Variants in MPPED1 observed in about 807,000 individuals in gnomAD.
The protein encoded by MPPED1 is metallophosphoesterase domain-containing protein 1.
A neutral mutation model predicts 36.2 loss-of-function variants in MPPED1; 16 were observed. The ratio of observed to expected loss-of-function variants is 0.44; its 90% CI spans 0.30 to 0.67. The LOEUF is 0.67. Ranked by LOEUF, MPPED1 falls within the 30% of genes least tolerant of loss-of-function variation. The pLI is 0.10. For missense variants in MPPED1, 307 were observed against 453.4 expected, an observed-to-expected ratio of 0.68 and a Z score of 2.93; for synonymous variants, 199 against 191.3, an observed-to-expected ratio of 1.04 and a Z score of -0.33.
rs138909403 is a variant in MPPED1 at position 43,462,849 on chromosome 22, C to T, written c.407-11887C>T. On this transcript the variant is annotated intron_variant, in intron 3 of 6. Coordinates refer to ENST00000443721, the MANE Select transcript of MPPED1 (RefSeq NM_001044370.2). ...CTTTCACCTTTCTTCTGTCTTGTAA[C>T]CCCTGGTTCTGGGATCCAATGGTTT... Among the ~76,000 whole-genome samples the T allele has an allele frequency of 1.8e-3, 274 of 152,300 alleles. 1 individual carries two copies. The highest frequency in any genetic ancestry group is 6.8e-3 in the Middle Eastern group (2 of 294).
rs1044046261 is a variant in MPPED1, at chr22:43,412,173, GGGCGGGGCGC to G, written c.-79+22_-79+31del. 2.0e-6 allele frequency: 2 copies of G among 979,198 alleles called. No individual in the cohort carries two copies. The highest frequency in any genetic ancestry group is 3.5e-5 in the African/African-American group (2 of 56,508). 60.7% of individuals were successfully genotyped at this position (979,198 alleles called of 1,614,324 possible). A position where few individuals can be genotyped will look rare whatever the true frequency, so the allele number is the denominator to read the frequency against. On this transcript the variant is annotated intron_variant, in intron 1 of 6. Coordinates refer to ENST00000443721, the MANE Select transcript of MPPED1 (RefSeq NM_001044370.2). Reference sequence around the variant, plus strand: ...CCCGGGGCCAGGTAGGACCGGAGGCGGGCGGGGCGCGGCGGGCGCGGGCGGGAGGCCGGGC... The same window carrying G: ...CCCGGGGCCAGGTAGGACCGGAGGCGGGCGGGCGCGGGCGGGAGGCCGGGC...
chr22:43,429,034 T>G (rs1929582625), intron 2 of MPPED1, among the ~76,000 whole-genome samples: 1 of 152,166 alleles, frequency 6.6e-6, no homozygotes, highest in Non-Finnish European at 1.5e-5. Context: ...ACTTGAGTCA[T>G]CGCTTAAAGG....
intron 3 of MPPED1, among the ~76,000 whole-genome samples, chr22:43,447,887 T>TTC (rs1930409458): frequency 2.4e-5 from 1 of 41,672 alleles, no homozygotes; most frequent in Non-Finnish European, 6.1e-5. Context: ...ATATATATTT[T>TTC]TTTTTTTTTT....
intron 4 of MPPED1, among the ~76,000 whole-genome samples, chr22:43,489,045 G>A (rs1035312764): frequency 6.6e-6 from 1 of 152,174 alleles, no homozygotes; most frequent in Non-Finnish European, 1.5e-5. Context: ...GATCAGGGCT[G>A]ACTGGGCCCC....
chr22:43,424,908 T>A lies in MPPED1; in HGVS notation c.-78T>A. On this transcript the variant is annotated splice_region_variant and 5_prime_UTR_variant, in exon 2 of 7. Transcript: ENST00000443721. ...GCACGGTTCTGCTCCGTCTCCTCAG[T>A]CTGTTTCCAGGTCTGGCGGGGGGCC... The A allele has an allele frequency of 6.5e-7, 1 of 1,532,816 alleles. No individual in the cohort carries two copies. 95.0% of individuals were successfully genotyped at this position (1,532,816 alleles called of 1,614,324 possible).
intron 4 of MPPED1, among the ~76,000 whole-genome samples, chr22:43,476,657 T>G (rs1282795189): frequency 6.6e-6 from 1 of 151,852 alleles, no homozygotes; most frequent in African/African-American, 2.4e-5. Context: ...GGTGGGGAGG[T>G]GCAGGGCTGT....
chr22:43,487,833 TG>T (rs1481543858), intron 4 of MPPED1, among the ~76,000 whole-genome samples: 1 of 152,024 alleles, frequency 6.6e-6, no homozygotes, highest in Non-Finnish European at 1.5e-5. Flanking sequence ...GCCTCCCAAC[TG>T]TTTTGCCCTG....
intron 4 of MPPED1, among the ~76,000 whole-genome samples, chr22:43,493,677 G>C (rs1336636900): frequency 6.6e-6 from 1 of 152,198 alleles, no homozygotes; most frequent in Non-Finnish European, 1.5e-5. Flanking sequence ...GCCCATCCCA[G>C]TAATGTACAT....
intron 4 of MPPED1, among the ~76,000 whole-genome samples, chr22:43,485,581 G>A (rs1931889064): frequency 6.6e-6 from 1 of 151,938 alleles, no homozygotes; most frequent in Admixed American, 6.6e-5. Context: ...TTTCTCTTCT[G>A]CCCCCTTCCT....
At chr22:43,455,973 G>A (rs1050569072) in intron 3 of MPPED1, among the ~76,000 whole-genome samples, 5 of 152,190 alleles carry the variant, frequency 3.3e-5, no homozygotes, top group African/African-American at 1.2e-4. Flanking sequence ...CCTTCTGGAG[G>A]CTCTGGTGAG....
chr22:43,504,449 G>T (rs567146082), intron 6 of MPPED1, among the ~76,000 whole-genome samples: 2 of 152,188 alleles, frequency 1.3e-5, no homozygotes, highest in South Asian at 2.1e-4. Context: ...TGGTGACATT[G>T]GTGATGACAC....
chr22:43,449,900 T>G (rs1930502684), intron 3 of MPPED1, among the ~76,000 whole-genome samples: 1 of 152,214 alleles, frequency 6.6e-6, no homozygotes, highest in African/African-American at 2.4e-5. Context: ...CTCTTCATTA[T>G]TTCCATCCCT....
chr22:43,444,655 G>A (rs1195299985), intron 3 of MPPED1, among the ~76,000 whole-genome samples: 2 of 152,026 alleles, frequency 1.3e-5, no homozygotes, highest in Non-Finnish European at 2.9e-5. Flanking sequence ...AGGCCACCAT[G>A]CCTGGCCCTT....
intron 3 of MPPED1, among the ~76,000 whole-genome samples, chr22:43,458,016 G>A (rs1456549217): frequency 6.6e-6 from 1 of 152,078 alleles, no homozygotes; most frequent in Non-Finnish European, 1.5e-5. Flanking sequence ...ATTGTGTTAC[G>A]ATTGCCTGGA....
At position 43,416,275 on chromosome 22, in the gene MPPED1, T is replaced by A. The variant is rs537417462; in HGVS notation, c.-79+4117T>A. 4.6e-5 allele frequency among the ~76,000 whole-genome samples: 7 copies of A among 152,336 alleles called. No individual in the cohort carries two copies. The South Asian group carries it at 1.2e-3, about 27-fold the overall frequency. Reference sequence around the variant, plus strand: ...AATTGATCATACTTGGGAGGTTTCATCCTTAATTGCAAATTCCTGCACCAT... The same window carrying A: ...AATTGATCATACTTGGGAGGTTTCAACCTTAATTGCAAATTCCTGCACCAT... On this transcript the variant is annotated intron_variant, in intron 1 of 6. Coordinates refer to ENST00000443721, the MANE Select transcript of MPPED1 (RefSeq NM_001044370.2).
At chr22:43,497,759 C>T (rs1255343587) in intron 4 of MPPED1, among the ~76,000 whole-genome samples, 1 of 150,614 alleles carries the variant, frequency 6.6e-6, no homozygotes, top group Non-Finnish European at 1.5e-5. Context: ...CACCTGGAAT[C>T]TGCTCTCTTT....
chr22:43,502,454 C>T lies in MPPED1; in HGVS notation c.749-190C>T, dbSNP rs1033445237. On this transcript the variant is annotated intron_variant, in intron 5 of 6. Transcript: ENST00000443721. The surrounding 1 kb of genome is among the most constrained non-coding windows in gnomAD (Gnocchi z 5.5). ...AGGAGGAGGGTGAGGCTGCAAGGTC[C>T]TGAATGGTTTCAGTCCCTGAAGCCT... Among the ~76,000 whole-genome samples, 3 of 152,340 alleles carry T rather than the reference C, an allele frequency of 2.0e-5. No individual in the cohort carries two copies. Among genetic ancestry groups the T allele is most frequent in the Admixed American group, 6.5e-5 (1 of 15,310 alleles).
rs145454538 is a variant in MPPED1 at position 43,498,241 on chromosome 22, C to T, written c.639C>T (p.Pro213=). Residue 213 remains proline (P), a synonymous_variant, in exon 5 of 7, where the codon CCC becomes CCT. Coordinates refer to ENST00000443721, the MANE Select transcript of MPPED1 (RefSeq NM_001044370.2). ...ACCTGCACTTCTTCTACAGGCAGCC[C>T]TGGTTCTACGGCTGGGGCTTCAACC... ...GFRIYGSPWQ[P]WFYGWGFNLP... is the part of the protein sequence containing the mutation. 38,447 of 1,534,670 alleles carry T rather than the reference C, an allele frequency of 0.025. 1,287 individuals are homozygous for T. The highest frequency in any genetic ancestry group is 0.11 in the African/African-American group (8,022 of 73,066).
intron 4 of MPPED1, among the ~76,000 whole-genome samples, chr22:43,491,729 G>T (rs1026620540): frequency 6.8e-6 from 1 of 147,398 alleles, no homozygotes; most frequent in Non-Finnish European, 1.5e-5. Context: ...TAAAGATGAT[G>T]CTGGTGGTGG....
Sources: allele counts gnomAD v4.1 joint callset (sites outside exome capture counted in the v4.1 genomes callset), GRCh38; gene constraint gnomAD v4.1.1; non-coding constraint Gnocchi (gnomAD v3.1); transcripts MANE v1.5; gene names NCBI Gene and HGNC (gene_info 2026-07-23, HGNC 2026-07-21).